The following HYDIN variants were observed in gnomAD, a reference collection of about 807,000 sequenced individuals.
HYDIN encodes axonemal central pair apparatus protein HYDIN.
A neutral mutation model predicts 403.9 loss-of-function variants in HYDIN; 132 were observed. The ratio of observed to expected loss-of-function variants is 0.33; its 90% CI spans 0.28 to 0.38. The LOEUF is 0.38. HYDIN is among the 10% of genes least tolerant of loss of function. The pLI is 1.00. For missense variants in HYDIN, 2,827 were observed against 5,009.5 expected (o/e 0.56, Z 13.15); for synonymous variants, 1,202 against 1,891.7 (o/e 0.64, Z 9.46).
chr16:70,956,356 G>A (rs1235269657), intron 39 of HYDIN, among the ~76,000 whole-genome samples: 1 of 152,012 alleles, frequency 6.6e-6, no homozygotes, highest in Admixed American at 6.6e-5. Context: ...TTAGCCTATG[G>A]TCGCTAAGTA....
chr16:71,055,814 T>G (rs1008966482), intron 18 of HYDIN, among the ~76,000 whole-genome samples: 72 of 151,884 alleles, frequency 4.7e-4, no homozygotes, highest in African/African-American at 1.7e-3. Context: ...ACCCAAGGTT[T>G]GAGCTAAAGG....
chr16:70,938,689 T>A lies in HYDIN; in HGVS notation c.6920A>T (p.Tyr2307Phe), dbSNP rs760594578. 6.2e-7 allele frequency: 1 copy of A among 1,613,830 alleles called. No individual in the cohort carries two copies. Among genetic ancestry groups the A allele is most frequent in the Non-Finnish European group, 8.5e-7 (1 of 1,179,756 alleles). Residue 2307 changes from tyrosine to phenylalanine, a missense_variant, in exon 44 of 86, where the codon TAT becomes TTT. By Grantham distance (22) the Tyr-to-Phe change is conservative. Coordinates refer to ENST00000393567, the MANE Select transcript of HYDIN (RefSeq NM_001270974.2). ...ERLQNMDEEE[Y>F]DALTEEEKLT... ...TTTCTCCTCCTCAGTCAGGGCATCA[T>A]ATTCTTCCTCATCCATGTTTTGGAG...
At chr16:70,890,891 C>T (rs2041425695) in intron 57 of HYDIN, among the ~76,000 whole-genome samples, 1 of 151,544 alleles carries the variant, frequency 6.6e-6, no homozygotes, top group African/African-American at 2.4e-5. Flanking sequence ...TTCCTCTCTT[C>T]CACGCTTCCA....
At chr16:70,984,745 C>T (rs1482937076) in intron 28 of HYDIN, among the ~76,000 whole-genome samples, 1 of 143,554 alleles carries the variant, frequency 7.0e-6, no homozygotes, top group Non-Finnish European at 1.5e-5. Context: ...TTCCTTAAAA[C>T]TGGTAGATCA....
intron 45 of HYDIN, among the ~76,000 whole-genome samples, chr16:70,927,468 C>A (rs2077188852): frequency 6.8e-6 from 1 of 146,070 alleles, no homozygotes; most frequent in East Asian, 2.0e-4. Flanking sequence ...GAAATTTCTG[C>A]TATACTGCCC....
intron 18 of HYDIN, among the ~76,000 whole-genome samples, chr16:71,059,558 A>C (rs2082013470): frequency 6.6e-6 from 1 of 151,966 alleles, no homozygotes; most frequent in East Asian, 1.9e-4. Context: ...CATTATCCTA[A>C]GCAAATTAAC....
chr16:71,161,057 T>G (rs1180075015), intron 6 of HYDIN, among the ~76,000 whole-genome samples: 1 of 117,404 alleles, frequency 8.5e-6, no homozygotes, highest in African/African-American at 3.4e-5. Flanking sequence ...TATTACATTG[T>G]AATATATAAT....
At chr16:71,094,116 C>T (rs572916100) in intron 10 of HYDIN, among the ~76,000 whole-genome samples, 181 bp from the exon 11 acceptor site, 1 of 152,234 alleles carries the variant, frequency 6.6e-6, no homozygotes, top group Admixed American at 6.5e-5. Context: ...CAATCATAAT[C>T]CTGAATGCCA....
intron 10 of HYDIN, among the ~76,000 whole-genome samples, chr16:71,106,030 T>C (rs2083602870): frequency 6.6e-6 from 1 of 151,924 alleles, no homozygotes; most frequent in Admixed American, 6.6e-5. Flanking sequence ...TGCCATAACA[T>C]GCTTAGGGTG....
intron 3 of HYDIN, among the ~76,000 whole-genome samples, chr16:71,182,912 T>C (rs2086966960): frequency 6.6e-6 from 1 of 151,920 alleles, no homozygotes; most frequent in Admixed American, 6.6e-5. Context: ...CAGTGAAAAG[T>C]AGAAAGAAAA....
chr16:71,187,904 C>A (rs908308284), intron 1 of HYDIN, among the ~76,000 whole-genome samples: 32 of 152,080 alleles, frequency 2.1e-4, no homozygotes, highest in African/African-American at 7.2e-4. Context: ...ATCCACCATG[C>A]TATAATTGGA....
rs201209591 is a variant in HYDIN at position 70,943,819 on chromosome 16, C to T, written c.6662G>A (p.Arg2221Gln). ...CAGGTGGCATGGACCCACCTGTATC[C>T]GCTCTGCCAGGATCTGCACGAGAAG... is the stretch of plus-strand genomic sequence containing the variant. The part of the protein sequence containing the change: ...DELLVQILAE[R>Q]IQLSDCYRGV... Residue 2221 changes from arginine (R) to glutamine (Q), a missense_variant, in exon 42 of 86, where the codon CGG becomes CAG. Arg to Gln is a conservative substitution (Grantham distance 43). Coordinates refer to ENST00000393567, the MANE Select transcript of HYDIN (RefSeq NM_001270974.2). 9 of 1,612,168 alleles carry T rather than the reference C, an allele frequency of 5.6e-6. No individual in the cohort carries two copies. Among genetic ancestry groups the T allele is most frequent in the African/African-American group, 1.3e-5 (1 of 74,928 alleles).
chr16:70,990,944 C>T (rs2079331502), intron 25 of HYDIN, among the ~76,000 whole-genome samples: 1 of 152,188 alleles, frequency 6.6e-6, no homozygotes, highest in Admixed American at 6.5e-5. Context: ...TCATTTTTTG[C>T]TGTTTCTAAA....
chr16:71,153,505 A>G (rs2085627076), intron 6 of HYDIN, among the ~76,000 whole-genome samples: 1 of 152,058 alleles, frequency 6.6e-6, no homozygotes, highest in Admixed American at 6.6e-5. Context: ...ATGGGGAGCA[A>G]GGAGACGTAG....
At chr16:70,838,213 C>T (rs2037571047) in intron 76 of HYDIN, among the ~76,000 whole-genome samples, 1 of 151,840 alleles carries the variant, frequency 6.6e-6, no homozygotes, top group Non-Finnish European at 1.5e-5. Flanking sequence ...TTTTTGGAGA[C>T]AGAGTCTCAC....
intron 45 of HYDIN, among the ~76,000 whole-genome samples, chr16:70,927,825 T>C (rs1468296884): frequency 6.6e-6 from 1 of 151,768 alleles, no homozygotes; most frequent in African/African-American, 2.4e-5. Context: ...ATCAAAGTGC[T>C]GAAGAAAAAT....
At chr16:70,931,738 G>C (rs1173710067) in intron 45 of HYDIN, among the ~76,000 whole-genome samples, 1 of 152,158 alleles carries the variant, frequency 6.6e-6, no homozygotes, top group African/African-American at 2.4e-5. Context: ...AAACAGGCTG[G>C]GTGTGGTGGC....
chr16:70,894,911 A>C (rs2041699183), intron 54 of HYDIN, among the ~76,000 whole-genome samples: 1 of 152,080 alleles, frequency 6.6e-6, no homozygotes, highest in South Asian at 2.1e-4. Flanking sequence ...CATTTCCCCC[A>C]AATAATTAAA....
intron 25 of HYDIN, among the ~76,000 whole-genome samples, chr16:70,990,205 G>A (rs1018182378): frequency 1.3e-5 from 2 of 151,052 alleles, no homozygotes; most frequent in Non-Finnish European, 2.9e-5. Flanking sequence ...AGACCACCCC[G>A]GGCAACATGG....
Sources: gnomAD v4.1 joint callset for allele counts (sites outside exome capture counted in the v4.1 genomes callset) on GRCh38, gnomAD v4.1.1 for gene constraint, MANE v1.5 for transcripts, NCBI Gene and HGNC (gene_info 2026-07-23, HGNC 2026-07-21) for gene names.